Variants in U2SURP observed in about 807,000 individuals in gnomAD.
U2SURP encodes U2 snRNP associated SURP domain containing.
Under a neutral mutation model 144.9 loss-of-function variants are expected in U2SURP, and 9 were observed. The observed-to-expected ratio is 0.06, with a 90% CI of 0.04 to 0.11. The LOEUF is 0.11. Among genes scored for constraint, U2SURP ranks in the 10% least tolerant of loss-of-function variants. The pLI, the probability that U2SURP is intolerant of heterozygous loss-of-function variation, is 1.00. For synonymous variants in U2SURP, 408 were observed against 396.8 expected, an observed-to-expected ratio of 1.03 and a Z score of -0.33; for missense variants, 724 against 1,226.7, an observed-to-expected ratio of 0.59 and a Z score of 6.12.
chr3:143,016,799 A>G (rs1278853028), intron 5 of U2SURP, 43 bp from the exon 6 acceptor site: 2 of 1,468,090 alleles, frequency 1.4e-6, no homozygotes, highest in East Asian at 2.5e-5. Flanking sequence ...GTAAAGAAAA[A>G]TATTGCGAAA....
chr3:143,031,745 CTT>C (rs1270258030), intron 16 of U2SURP, among the ~76,000 whole-genome samples: 1 of 152,182 alleles, frequency 6.6e-6, no homozygotes, highest in Non-Finnish European at 1.5e-5. Context: ...GAATCCGTCT[CTT>C]TGAGATATGC....
At chr3:143,014,128 TA>T (rs1490141895) in intron 3 of U2SURP, among the ~76,000 whole-genome samples, 182 bp from the exon 4 acceptor site, 13 of 151,964 alleles carry the variant, frequency 8.6e-5, no homozygotes, top group Non-Finnish European at 1.6e-4. Flanking sequence ...CTTTGATGAA[TA>T]CTTAACATCA....
chr3:143,030,503 A>G (rs1457653346), intron 16 of U2SURP, among the ~76,000 whole-genome samples: 1 of 152,194 alleles, frequency 6.6e-6, no homozygotes, highest in Non-Finnish European at 1.5e-5. Context: ...ATTACTGCTC[A>G]TTGACAATGT....
At chr3:143,043,755 T>G (rs765621818) in intron 24 of U2SURP, among the ~76,000 whole-genome samples, 2 of 151,492 alleles carry the variant, frequency 1.3e-5, no homozygotes, top group African/African-American at 4.9e-5. Context: ...TTATGTGTTA[T>G]GTACTGTGAG....
intron 24 of U2SURP, among the ~76,000 whole-genome samples, chr3:143,044,479 G>A (rs983317628): frequency 6.6e-6 from 1 of 151,470 alleles, no homozygotes; most frequent in African/African-American, 2.4e-5. Context: ...TAGAGATGAG[G>A]TCTCACTATG....
chr3:143,013,789 G>A (rs1936228935), intron 3 of U2SURP, among the ~76,000 whole-genome samples: 1 of 151,984 alleles, frequency 6.6e-6, no homozygotes, highest in African/African-American at 2.4e-5. Context: ...TCCCAGCAAA[G>A]AATGAAATTA....
intron 10 of U2SURP, 74 bp downstream of exon 10, chr3:143,021,629 A>G (rs1050043351): frequency 1.3e-5 from 19 of 1,414,772 alleles, no homozygotes; most frequent in Non-Finnish European, 1.9e-5. Context: ...GTCAAAAAAA[A>G]TCAAGATTCT....
chr3:143,041,065 C>CA (rs139846090), intron 23 of U2SURP, among the ~76,000 whole-genome samples: 5,866 of 148,972 alleles, frequency 0.039, 329 homozygotes, highest in African/African-American at 0.13. Context: ...TTTGAAATTG[C>CA]AAAAAAAAAT....
chr3:143,018,003 C>G (rs1186601892), intron 6 of U2SURP, among the ~76,000 whole-genome samples: 4 of 151,758 alleles, frequency 2.6e-5, no homozygotes, highest in Admixed American at 1.3e-4. Context: ...TGGAGGATGG[C>G]TTGAGCCCAG....
chr3:143,004,802 T>C (rs1011183874), intron 1 of U2SURP, among the ~76,000 whole-genome samples: 3 of 152,122 alleles, frequency 2.0e-5, no homozygotes, highest in Non-Finnish European at 4.4e-5. Context: ...TAACAAATGT[T>C]CTAGAAATGA....
intron 4 of U2SURP, among the ~76,000 whole-genome samples, chr3:143,014,893 G>A (rs1431312490): frequency 1.3e-5 from 2 of 151,986 alleles, no homozygotes; most frequent in Non-Finnish European, 2.9e-5. Flanking sequence ...GCCATTAAAA[G>A]TAATGCTGTT....
chr3:143,040,239 T>TGG (rs1043052868), intron 23 of U2SURP, among the ~76,000 whole-genome samples: 72 of 152,074 alleles, frequency 4.7e-4, no homozygotes, highest in African/African-American at 1.7e-3. Flanking sequence ...ATATTTGTGT[T>TGG]AATGTTTGGA....
chr3:143,048,688 A>G (rs1934676116), intron 24 of U2SURP, among the ~76,000 whole-genome samples: 1 of 152,172 alleles, frequency 6.6e-6, no homozygotes. Context: ...ACTTGAAGTC[A>G]GGAGTTTGAG....
At position 143,021,417 on chromosome 3, in the gene U2SURP, A is replaced by C. The variant is rs775751683; in HGVS notation, c.769+32A>C. On this transcript the variant is annotated intron_variant, in intron 9 of 27. Coordinates refer to ENST00000473835, the MANE Select transcript of U2SURP (RefSeq NM_001080415.2). ...CAGTTTTTTGCTCTTTTAATCGATA[A>C]ATTTTCCAAACTTTATGTTTTGCAG... 2.1e-5 allele frequency: 33 copies of C among 1,607,744 alleles called. No homozygotes were observed. In the South Asian group the frequency reaches 3.6e-4, roughly 17 times the overall value.
At chr3:143,022,820 T>C in intron 11 of U2SURP, 33 bp from the exon 12 acceptor site, 1 of 1,500,208 alleles carries the variant, frequency 6.7e-7, no homozygotes, top group Non-Finnish European at 8.9e-7. Flanking sequence ...CTTTTGAGAG[T>C]TAACAAAATG....
chr3:143,056,626 T>C lies in U2SURP; in HGVS notation c.*176T>C. The C allele has an allele frequency of 1.5e-6, 1 of 650,216 alleles. No homozygotes were observed. Among genetic ancestry groups the C allele is most frequent in the Non-Finnish European group, 2.5e-6 (1 of 398,652 alleles). The allele number at this position is 650,216 out of a possible 1,614,324, so 40.3% of individuals were successfully genotyped here. A position where few individuals can be genotyped will look rare whatever the true frequency, so the allele number is the denominator to read the frequency against. ...TGCATCTGTAGATCTGTCATTGTTT[T>C]ATATTGTGTAAATTACTTTCATTGT... On this transcript the variant is annotated 3_prime_UTR_variant, in exon 28 of 28. Transcript: ENST00000473835.
chr3:143,036,912 C>G (rs1446342073), intron 20 of U2SURP: 3 of 402,992 alleles, frequency 7.4e-6, no homozygotes, highest in African/African-American at 4.1e-5. Flanking sequence ...AAAACCTTTA[C>G]CAGGCTCTAT....
chr3:143,017,156 G>A lies in U2SURP; in HGVS notation c.570+181G>A, dbSNP rs77948418. 2.7e-3 allele frequency: 1,205 copies of A among 451,800 alleles called. 11 individuals carry two copies. The highest frequency in any genetic ancestry group is 0.022 in the African/African-American group (1,096 of 49,196). 28.0% of individuals were successfully genotyped at this position (451,800 alleles called of 1,614,324 possible). ...GATGAGAGTTAATGAATTGGGACAC[G>A]TAGATGATATTCTTTTTATGCTTTT... On this transcript the variant is annotated intron_variant, in intron 6 of 27. Transcript: ENST00000473835.
chr3:143,031,451 A>T (rs377453604), intron 16 of U2SURP, among the ~76,000 whole-genome samples: 3 of 151,950 alleles, frequency 2.0e-5, no homozygotes, highest in Non-Finnish European at 4.4e-5. Context: ...CACCACCCTA[A>T]CCTTCAGCTA....
Sources: allele counts gnomAD v4.1 joint callset (sites outside exome capture counted in the v4.1 genomes callset), GRCh38; gene constraint gnomAD v4.1.1; transcripts MANE v1.5; gene names NCBI Gene and HGNC (gene_info 2026-07-23, HGNC 2026-07-21).